MOBP: variants seen among roughly 807,000 people sequenced by gnomAD.
MOBP encodes myelin associated oligodendrocyte basic protein.
In MOBP, 5 loss-of-function variants were observed where a neutral mutation model predicts 15.0. That is an observed-to-expected ratio of 0.33 (90% confidence interval 0.17 to 0.70). The LOEUF is 0.70. Among genes scored for constraint, MOBP ranks in the 30% least tolerant of loss-of-function variants. The probability of loss-of-function intolerance (pLI) is 0.67; values close to 1 mark genes in which losing one functional copy is unlikely to be tolerated. For missense variants in MOBP, 188 were observed against 257.8 expected (o/e 0.73, Z 1.85); for synonymous variants, 88 against 99.0 (o/e 0.89, Z 0.66).
chr3:39,491,573 C>T (rs2042795873), intron 2 of MOBP, among the ~76,000 whole-genome samples: 1 of 152,106 alleles, frequency 6.6e-6, no homozygotes, highest in Non-Finnish European at 1.5e-5. Flanking sequence ...AATGGACTGG[C>T]AGCTTACATA....
At chr3:39,513,880 A>G (rs1266581215) in exon 5 of MOBP, 4 of 158,436 alleles carry the variant, frequency 2.5e-5, no homozygotes, top group Admixed American at 1.3e-4. Flanking sequence ...ATTAATCTCT[A>G]TCTGGGTTTC....
At chr3:39,519,959 GTT>G (rs11303840), downstream of MOBP, among the ~76,000 whole-genome samples, 1,616 of 132,104 alleles carry the variant, frequency 0.012, 11 homozygotes, top group Middle Eastern at 0.024. Context: ...CATGACATCT[GTT>G]TTTTTTTTTT....
At chr3:39,519,850 T>G (rs2043244882), downstream of MOBP, among the ~76,000 whole-genome samples, 1 of 151,948 alleles carries the variant, frequency 6.6e-6, no homozygotes, top group Non-Finnish European at 1.5e-5. Context: ...TACTGCAGCC[T>G]CCCCATGCCC....
chr3:39,501,773 T>C (rs961311483), intron 2 of MOBP, among the ~76,000 whole-genome samples: 2 of 152,214 alleles, frequency 1.3e-5, no homozygotes, highest in African/African-American at 4.8e-5. Flanking sequence ...TGGTTTTAAA[T>C]GTTTTCCTAT....
chr3:39,513,167 A>G (rs1440579484), intron 4 of MOBP, among the ~76,000 whole-genome samples: 1 of 152,272 alleles, frequency 6.6e-6, no homozygotes, highest in Non-Finnish European at 1.5e-5. Flanking sequence ...TAGAACTCTT[A>G]AAGAATATCT....
downstream of MOBP, among the ~76,000 whole-genome samples, chr3:39,519,534 T>C (rs1305237590): frequency 6.6e-6 from 1 of 151,258 alleles, no homozygotes; most frequent in African/African-American, 2.4e-5. Flanking sequence ...CCAATTCTTG[T>C]TAATGTGGGT....
chr3:39,526,199 A>G (rs997363629), downstream of MOBP: 2 of 152,344 alleles, frequency 1.3e-5, no homozygotes, highest in East Asian at 3.9e-4. Flanking sequence ...TCTCTTCCAC[A>G]TCATCCAGAA....
chr3:39,472,946 G>C (rs2042491798), intron 1 of MOBP, among the ~76,000 whole-genome samples: 1 of 150,814 alleles, frequency 6.6e-6, no homozygotes, highest in African/African-American at 2.4e-5. Context: ...TCTCAAAAAG[G>C]AAAAAAAAAT....
intron 1 of MOBP, among the ~76,000 whole-genome samples, chr3:39,469,294 A>G (rs1019059434): frequency 2.2e-5 from 3 of 139,500 alleles, no homozygotes; most frequent in Non-Finnish European, 3.2e-5. Flanking sequence ...ATATGTGTGT[A>G]TATGTATATA....
Position 39,497,248 on chromosome 3 carries a change from C to T in MOBP, c.-4-4818C>T, listed in dbSNP as rs75175805. Among the ~76,000 whole-genome samples, 742 of 152,312 alleles carry T rather than the reference C, an allele frequency of 4.9e-3. 7 individuals are homozygous for T. The highest frequency in any genetic ancestry group is 0.016 in the African/African-American group (666 of 41,556). On this transcript the variant is annotated intron_variant, in intron 2 of 3. Transcript: ENST00000684792. The stretch of plus-strand genomic sequence containing the variant: ...CCCATCCCAAGTTTACTATCAGTCC[C>T]GGACAGGGACCCTTCTGGCGCTGGC...
intron 2 of MOBP, chr3:39,499,762 C>T (rs1260168423): frequency 2.3e-5 from 7 of 306,202 alleles, no homozygotes; most frequent in Non-Finnish European, 4.5e-5. Flanking sequence ...AGACACTTCA[C>T]CTGCCTCATT....
At chr3:39,515,982 C>T (rs2043197060) in exon 5 of MOBP, 1 of 152,106 alleles carries the variant, frequency 6.6e-6, no homozygotes, top group African/African-American at 2.4e-5. Flanking sequence ...TAGTAAGAAC[C>T]AATAAACACT....
At chr3:39,475,954 A>G (rs2042539824) in intron 1 of MOBP, among the ~76,000 whole-genome samples, 2 of 152,214 alleles carry the variant, frequency 1.3e-5, no homozygotes, top group African/African-American at 2.4e-5. Flanking sequence ...ACGTTGCTAT[A>G]AAGAAATATC....
intron 2 of MOBP, among the ~76,000 whole-genome samples, chr3:39,493,387 T>C (rs1302390937): frequency 1.3e-5 from 2 of 148,754 alleles, no homozygotes; most frequent in African/African-American, 2.5e-5. Flanking sequence ...CACAAAATCT[T>C]TTTTTTTTTT....
intron 2 of MOBP, among the ~76,000 whole-genome samples, chr3:39,485,404 A>G (rs973688858): frequency 6.6e-6 from 1 of 152,206 alleles, no homozygotes; most frequent in African/African-American, 2.4e-5. Flanking sequence ...GAGGATTAGC[A>G]AGGTTTTAGA....
chr3:39,501,971 A>C, intron 2 of MOBP, 95 bp from the exon 3 acceptor site: 1 of 1,026,274 alleles, frequency 9.7e-7, no homozygotes. Flanking sequence ...GTTACCTTGG[A>C]TTATGGGAGT....
At chr3:39,497,730 G>A (rs1447516694) in intron 2 of MOBP, among the ~76,000 whole-genome samples, 1 of 152,130 alleles carries the variant, frequency 6.6e-6, no homozygotes, top group Non-Finnish European at 1.5e-5. Flanking sequence ...TTAGTTATTT[G>A]CTTTATTAAA....
At chr3:39,511,744 C>T (rs913714119) in intron 4 of MOBP, among the ~76,000 whole-genome samples, 1 of 152,160 alleles carries the variant, frequency 6.6e-6, no homozygotes, top group African/African-American at 2.4e-5. Context: ...CACTCATCCC[C>T]CCAGGGCCTC....
At chr3:39,504,529 G>GAA (rs386396410), downstream of MOBP, among the ~76,000 whole-genome samples, 1 of 151,762 alleles carries the variant, frequency 6.6e-6, no homozygotes, top group Non-Finnish European at 1.5e-5. Flanking sequence ...GTGGGTATCA[G>GAA]AAGGTGCCTC....
Sources: allele counts gnomAD v4.1 joint callset (sites outside exome capture counted in the v4.1 genomes callset), GRCh38; gene constraint gnomAD v4.1.1; transcripts MANE v1.5; gene names NCBI Gene and HGNC (gene_info 2026-07-23, HGNC 2026-07-21).